FBXO34: variants seen among roughly 807,000 people sequenced by gnomAD.
FBXO34 encodes F-box protein 34.
A neutral mutation model predicts 24.5 loss-of-function variants in FBXO34; 12 were observed. The ratio of observed to expected loss-of-function variants is 0.49; its 90% CI spans 0.31 to 0.79. The LOEUF (loss-of-function observed/expected upper bound fraction) is 0.79. FBXO34 is among the 30% of genes least tolerant of loss of function. The pLI is 0.04. For synonymous variants in FBXO34, 320 were observed against 311.9 expected (o/e 1.03, Z -0.27); for missense variants, 823 against 857.7 (o/e 0.96, Z 0.51).
downstream of FBXO34, among the ~76,000 whole-genome samples, chr14:55,370,936 C>T (rs542979943): frequency 9.8e-5 from 15 of 152,294 alleles, no homozygotes; most frequent in East Asian, 3.9e-4. Flanking sequence ...CCACCACGCC[C>T]GGCCGCCTTT....
intron 1 of FBXO34, among the ~76,000 whole-genome samples, chr14:55,279,466 T>G (rs556591273): frequency 1.3e-5 from 2 of 152,260 alleles, no homozygotes; most frequent in African/African-American, 2.4e-5. Context: ...TATTGTGGTG[T>G]TTTGGCTGAA....
intron 1 of FBXO34, among the ~76,000 whole-genome samples, chr14:55,297,143 T>C (rs1207876344): frequency 6.6e-6 from 1 of 152,160 alleles, no homozygotes; most frequent in African/African-American, 2.4e-5. Context: ...TTGAACCTGA[T>C]TGGCACAACT....
At chr14:55,377,773 A>G in the FBXO34 span, 1 of 1,394,038 alleles carries the variant, frequency 7.2e-7, no homozygotes, top group Admixed American at 2.2e-5. Context: ...CTCCTCTAAC[A>G]GGATTCACAA....
At chr14:55,417,479 A>T in the FBXO34 span, among the ~76,000 whole-genome samples, 4 of 122,774 alleles carry the variant, frequency 3.3e-5, no homozygotes, top group Non-Finnish European at 4.9e-5. Context: ...AAAAAAAAAA[A>T]GTCTCGCTCG....
the FBXO34 span, among the ~76,000 whole-genome samples, chr14:55,389,622 A>G: frequency 1.3e-5 from 2 of 152,230 alleles, no homozygotes; most frequent in Non-Finnish European, 2.9e-5. Flanking sequence ...TGATCTTCAG[A>G]AATTCATGGA....
chr14:55,419,864 G>T, the FBXO34 span, among the ~76,000 whole-genome samples: 1 of 152,108 alleles, frequency 6.6e-6, no homozygotes, highest in Non-Finnish European at 1.5e-5. Context: ...ATTTGTAATT[G>T]CAACACTTTA....
the FBXO34 span, chr14:55,377,889 G>T: frequency 1.2e-6 from 2 of 1,605,476 alleles, no homozygotes; most frequent in Non-Finnish European, 1.7e-6. Flanking sequence ...GGTTGTAATT[G>T]ATCTAAATTT....
chr14:55,292,099 C>CTAATG (rs1881962805), intron 1 of FBXO34, among the ~76,000 whole-genome samples: 1 of 152,032 alleles, frequency 6.6e-6, no homozygotes, highest in African/African-American at 2.4e-5. Context: ...ACCCTTTAAC[C>CTAATG]TAATGGGGAA....
At chr14:55,334,627 G>A (rs533924650) in intron 1 of FBXO34, among the ~76,000 whole-genome samples, 3 of 152,224 alleles carry the variant, frequency 2.0e-5, no homozygotes, top group African/African-American at 7.2e-5. Context: ...TGATAAAGAT[G>A]CTCACAAAGC....
At chr14:55,390,593 G>A in the FBXO34 span, among the ~76,000 whole-genome samples, 1 of 151,684 alleles carries the variant, frequency 6.6e-6, no homozygotes, top group East Asian at 2.0e-4. Context: ...GGATGGTCTC[G>A]ATCTCCTGAC....
chr14:55,357,641 T>A (rs923001508), downstream of FBXO34, among the ~76,000 whole-genome samples: 1 of 152,054 alleles, frequency 6.6e-6, no homozygotes, highest in Non-Finnish European at 1.5e-5. Flanking sequence ...AAAGTGAGAC[T>A]CTGTCGTTGT....
the FBXO34 span, chr14:55,381,981 C>G: frequency 6.2e-7 from 1 of 1,614,016 alleles, no homozygotes; most frequent in Non-Finnish European, 8.5e-7. Flanking sequence ...GGGTTGTTTT[C>G]TTCTCCTCCA....
chr14:55,342,001 A>G (rs781255011), intron 1 of FBXO34, among the ~76,000 whole-genome samples: 1 of 150,288 alleles, frequency 6.7e-6, no homozygotes, highest in South Asian at 2.1e-4. Context: ...TAATATTACT[A>G]ATTCACTATT....
chr14:55,380,579 C>A, the FBXO34 span: 17 of 1,602,868 alleles, frequency 1.1e-5, no homozygotes, highest in East Asian at 3.6e-4. Flanking sequence ...TTGCCTGTTG[C>A]AGAGCTTTTT....
At chr14:55,333,079 T>TGG (rs1883655136) in intron 1 of FBXO34, among the ~76,000 whole-genome samples, 4 of 152,202 alleles carry the variant, frequency 2.6e-5, no homozygotes, top group Non-Finnish European at 4.4e-5. Context: ...AGTGGGCTAT[T>TGG]GTTAGCTACA....
At chr14:55,384,875 G>C in the FBXO34 span, among the ~76,000 whole-genome samples, 2 of 152,182 alleles carry the variant, frequency 1.3e-5, no homozygotes, top group African/African-American at 2.4e-5. Flanking sequence ...GCAGCATCAG[G>C]GAAGTTTAAA....
intron 1 of FBXO34, among the ~76,000 whole-genome samples, chr14:55,273,858 T>C (rs1234756781): frequency 2.6e-5 from 4 of 152,102 alleles, no homozygotes; most frequent in Admixed American, 2.0e-4. Flanking sequence ...CAGGCTGGAG[T>C]GCAGTGGTGC....
At chr14:55,432,245 C>A in the FBXO34 span, among the ~76,000 whole-genome samples, 837 of 121,472 alleles carry the variant, frequency 6.9e-3, no homozygotes, top group Middle Eastern at 0.013. Context: ...CCCGTCTCTA[C>A]AAAAAAAAAA....
the FBXO34 span, chr14:55,411,610 G>C: frequency 6.2e-7 from 1 of 1,608,174 alleles, no homozygotes; most frequent in African/African-American, 1.3e-5. Flanking sequence ...ACCTCTCCCG[G>C]TCGCGGCCGT....
Sources: gnomAD v4.1 joint callset for allele counts (sites outside exome capture counted in the v4.1 genomes callset) on GRCh38, gnomAD v4.1.1 for gene constraint, MANE v1.5 for transcripts, NCBI Gene and HGNC (gene_info 2026-07-23, HGNC 2026-07-21) for gene names.